Variants in CUZD1 observed in about 807,000 individuals in gnomAD.
CUZD1 encodes the protein CUB and zona pellucida-like domain-containing protein 1.
A neutral mutation model predicts 53.1 loss-of-function variants in CUZD1; 42 were observed. The ratio of observed to expected loss-of-function variants is 0.79; its 90% confidence interval spans 0.62 to 1.02. The LOEUF (loss-of-function observed/expected upper bound fraction) is 1.02. Among genes scored for constraint, CUZD1 ranks in the 50% least tolerant of loss-of-function variants. The pLI, the probability that CUZD1 is intolerant of heterozygous loss-of-function variation, is 0.00. For synonymous variants in CUZD1, 238 were observed against 257.2 expected, an observed-to-expected ratio of 0.93 and a Z score of 0.71; for missense variants, 670 against 715.7, an observed-to-expected ratio of 0.94 and a Z score of 0.73.
chr10:122,838,963 T>C (rs1847294094), intron 3 of CUZD1, 54 bp downstream of exon 3: 3 of 1,344,610 alleles, frequency 2.2e-6, no homozygotes, highest in Admixed American at 3.4e-5. Flanking sequence ...CAGAAGAGTG[T>C]GTAACCTGTG....
At chr10:122,836,752 G>A (rs1847257883) in intron 5 of CUZD1, 79 bp downstream of exon 5, 26 of 1,120,914 alleles carry the variant, frequency 2.3e-5, no homozygotes, top group Non-Finnish European at 3.3e-5. Flanking sequence ...ATAGCCACAG[G>A]TAGGCTAAAA....
At position 122,836,289 on chromosome 10, in the gene CUZD1, A is replaced by C. The variant is rs1476889613; in HGVS notation, c.879T>G (p.Ala293=). Residue 293 remains alanine, a synonymous_variant, in exon 6 of 9, where the codon GCT becomes GCG. Transcript: ENST00000392790. ...RVIISKSYLE[A]FNSNGNNLQL... ...GCAAGTTATTCCCATTAGAGTTAAA[A>C]GCCTCTAGGTAGGATTTGCTTATAA... is the stretch of plus-strand genomic sequence containing the variant. The C allele has an allele frequency of 3.1e-6, 5 of 1,612,178 alleles. No individual in the cohort carries two copies. Among genetic ancestry groups the C allele is most frequent in the Non-Finnish European group, 4.2e-6 (5 of 1,179,272 alleles).
Position 122,840,920 on chromosome 10 carries a change from G to A in CUZD1, c.233+258C>T, listed in dbSNP as rs148123025. On this transcript the variant is annotated intron_variant, in intron 2 of 8. Transcript: ENST00000392790. ...GCTATTCACTATTTGTGTGACCTCA[G>A]ACAAGTTCTCAACCTTGTTGTGTTT... Among the ~76,000 whole-genome samples, 445 of 152,276 alleles carry A rather than the reference G, an allele frequency of 2.9e-3. 4 individuals carry two copies. The highest frequency in any genetic ancestry group is 0.014 in the Middle Eastern group (4 of 294).
chr10:122,835,522 C>T (rs1847236039), intron 6 of CUZD1, among the ~76,000 whole-genome samples: 1 of 152,170 alleles, frequency 6.6e-6, no homozygotes, highest in Non-Finnish European at 1.5e-5. Flanking sequence ...TGGGGGTTCA[C>T]AGTGTAATAA....
In CUZD1 at chr10:122,833,778, A is replaced by C. The variant is rs747160023; in HGVS notation, c.1545T>G (p.Gly515=). ...SSDHQSRCNQ[G]CVSRSKRDIS... is the part of the protein sequence containing the mutation. ...TGTCTCGTTTGCTTCTGGAGACACA[A>C]CCTTGATTGCAGCGAGACTGGTGGT... is the stretch of plus-strand genomic sequence containing the variant. The change falls in exon 8 of 9, where the codon GGT becomes GGG. Residue 515 remains glycine (G), a synonymous_variant. Transcript: ENST00000392790. 2.5e-6 allele frequency: 4 copies of C among 1,614,050 alleles called. No individual in the cohort carries two copies. The highest frequency in any genetic ancestry group is 3.4e-6 in the Non-Finnish European group (4 of 1,179,980).
rs757964111 is a variant in CUZD1 at position 122,845,754 on chromosome 10, T to TC, written c.82+7_82+8insG. Reference sequence around the variant, plus strand: ...TTTTGGTGAATAAATCTGGTTCAATTTTCTTACCTTCAGCCTCCGCCATTG... The same window carrying TC: ...TTTTGGTGAATAAATCTGGTTCAATTCTTCTTACCTTCAGCCTCCGCCATTG... On this transcript the variant is annotated splice_region_variant and intron_variant, in intron 1 of 8. Coordinates refer to ENST00000392790, the MANE Select transcript of CUZD1 (RefSeq NM_022034.6). 1 of 1,612,666 alleles carries TC rather than the reference T, an allele frequency of 6.2e-7. No individual in the cohort carries two copies. Among genetic ancestry groups the TC allele is most frequent in the South Asian group, 1.1e-5 (1 of 90,512 alleles).
rs554041794 is a variant in CUZD1 at position 122,835,884 on chromosome 10, G to A, written c.990+294C>T. On this transcript the variant is annotated intron_variant, in intron 6 of 8. Coordinates refer to ENST00000392790, the MANE Select transcript of CUZD1 (RefSeq NM_022034.6). ...ATTTTCTGCATAAGTGTTACTGGTA[G>A]GCTATTAAGCCAACTGCATATAGAT... 2.0e-5 allele frequency among the ~76,000 whole-genome samples: 3 copies of A among 152,222 alleles called. No homozygotes were observed. In the East Asian group the frequency reaches 5.8e-4, roughly 29 times the overall value.
Position 122,836,979 on chromosome 10 carries a change from GC to G in CUZD1, c.668del (p.Gly223AlafsTer2). The G allele has an allele frequency of 6.2e-7, 1 of 1,614,096 alleles. No individual in the cohort carries two copies. Among genetic ancestry groups the G allele is most frequent in the Non-Finnish European group, 8.5e-7 (1 of 1,179,984 alleles). Reference sequence around the variant, plus strand: ...CACGGCCACAGACTTGTCCAATCAGGCCAGAGTTGGTGGAGGGGCCATCATA... The same window carrying G: ...CACGGCCACAGACTTGTCCAATCAGGCAGAGTTGGTGGAGGGGCCATCATA... ...AIYDGPSTNS[G>X]LIGQVCGRVT... On this transcript the variant is annotated frameshift_variant, in exon 5 of 9. Coordinates refer to ENST00000392790, the MANE Select transcript of CUZD1 (RefSeq NM_022034.6). LOFTEE classifies it high-confidence loss of function.
At chr10:122,836,485 G>C in intron 5 of CUZD1, 135 bp from the exon 6 acceptor site, 1 of 753,484 alleles carries the variant, frequency 1.3e-6, no homozygotes, top group Non-Finnish European at 2.0e-6. Context: ...TCATAAATTT[G>C]AGATAGCCAA....
Position 122,832,299 on chromosome 10 carries a change from G to A in CUZD1, c.1803C>T (p.Tyr601=), listed in dbSNP as rs778621800. ...TTAGTTAATAGTTCTGCAGCTTCTG[G>A]TATTTGTAGTCTGCCCGTTGATTTA... The part of the protein sequence containing the change: ...HFVNQRADYK[Y]QKLQNY Residue 601 remains tyrosine (Y), a synonymous_variant, in exon 9 of 9, where the codon TAC becomes TAT. Transcript: ENST00000392790. 15 of 1,614,010 alleles carry A rather than the reference G, an allele frequency of 9.3e-6. No homozygotes were observed. Among genetic ancestry groups the A allele is most frequent in the Non-Finnish European group, 1.7e-6 (2 of 1,179,960 alleles).
At chr10:122,838,016 T>G in intron 3 of CUZD1, 1 of 154,704 alleles carries the variant, frequency 6.5e-6, no homozygotes, top group African/African-American at 2.4e-5. Context: ...CACCTCCACC[T>G]ACCCTCGTCA....
intron 7 of CUZD1, 40 bp downstream of exon 7, chr10:122,834,666 G>A: frequency 2.1e-6 from 3 of 1,439,908 alleles, no homozygotes; most frequent in African/African-American, 1.4e-5. Context: ...TATTCCACAG[G>A]AAGGAATATC....
intron 1 of CUZD1, among the ~76,000 whole-genome samples, chr10:122,844,701 C>G (rs1847408859): frequency 6.6e-6 from 1 of 152,032 alleles, no homozygotes; most frequent in Admixed American, 6.5e-5. Flanking sequence ...AAATTTTTTT[C>G]TATAAAATTT....
chr10:122,837,063 C>T lies in CUZD1; in HGVS notation c.600-15G>A, dbSNP rs1847265355. 1 of 1,552,534 alleles carries T rather than the reference C, an allele frequency of 6.4e-7. No homozygotes were observed. Among genetic ancestry groups the T allele is most frequent in the East Asian group, 2.3e-5 (1 of 43,908 alleles). On this transcript the variant is annotated splice_polypyrimidine_tract_variant and intron_variant, in intron 4 of 8. Transcript: ENST00000392790. ...CTATTTCTAGGCTAGAGAATGAGGG[C>T]CTCTGGTGAAAAAGAGTTTCAAACC...
At chr10:122,839,297 A>G (rs1408999652) in intron 2 of CUZD1, 66 bp from the exon 3 acceptor site, 1 of 1,372,112 alleles carries the variant, frequency 7.3e-7, no homozygotes, top group South Asian at 1.2e-5. Context: ...AGAGCAGTCA[A>G]TTGCTCACCT....
rs913661972 is a variant in CUZD1, at chr10:122,835,766, G to T, written c.990+412C>A. 4.6e-5 allele frequency among the ~76,000 whole-genome samples: 7 copies of T among 151,962 alleles called. No individual in the cohort carries two copies. In the South Asian group the frequency reaches 8.3e-4, roughly 18 times the overall value. ...AGTAATATCCTTCATGTTTAAATGG[G>T]TTTTTTTAAATGTTTTTTTTTCCTG... On this transcript the variant is annotated intron_variant, in intron 6 of 8. Transcript: ENST00000392790.
In CUZD1 at chr10:122,832,383, G is replaced by A; in HGVS notation, c.1719C>T (p.Ser573=). Residue 573 remains serine, a synonymous_variant, in exon 9 of 9, where the codon TCC becomes TCT. Coordinates refer to ENST00000392790, the MANE Select transcript of CUZD1 (RefSeq NM_022034.6). ...CCACATTCAGAGCTAGAACCATGAAGGAAAACAGATGCACACTGTTGAAAG... is the reference window on the plus strand; with the variant it reads ...CCACATTCAGAGCTAGAACCATGAAAGAAAACAGATGCACACTGTTGAAAG... ...NQPFNSVHLF[S]FMVLALNVVT... is the part of the protein sequence containing the mutation. The A allele has an allele frequency of 6.2e-7, 1 of 1,614,094 alleles. No individual in the cohort carries two copies. Among genetic ancestry groups the A allele is most frequent in the South Asian group, 1.1e-5 (1 of 91,078 alleles).
chr10:122,837,761 T>C (rs1282998162), intron 3 of CUZD1: 4 of 457,432 alleles, frequency 8.7e-6, no homozygotes, highest in Non-Finnish European at 1.5e-5. Flanking sequence ...CTTTATACTA[T>C]TGCCAAACGA....
At chr10:122,839,253 G>A (rs1271245620) in intron 2 of CUZD1, 22 bp from the exon 3 acceptor site, 4 of 1,607,246 alleles carry the variant, frequency 2.5e-6, no homozygotes, top group Non-Finnish European at 3.4e-6. Context: ...ACACAACTGT[G>A]GCTGAAGAAG....
Sources: allele counts gnomAD v4.1 joint callset (sites outside exome capture counted in the v4.1 genomes callset), GRCh38; gene constraint gnomAD v4.1.1; transcripts MANE v1.5; gene names NCBI Gene and HGNC (gene_info 2026-07-23, HGNC 2026-07-21).